CALM3: variants seen among roughly 807,000 people sequenced by gnomAD.
CALM3 encodes calmodulin 3, also known as calmodulin-3.
In CALM3, 5 loss-of-function variants were observed where a neutral mutation model predicts 20.1. The ratio of observed to expected loss-of-function variants is 0.25; its 90% confidence interval spans 0.13 to 0.52. The LOEUF (loss-of-function observed/expected upper bound fraction) is 0.52, where lower values mean the gene tolerates loss of function less well. CALM3 is among the 20% of genes least tolerant of loss of function. CALM3 has a pLI of 0.96. For synonymous variants in CALM3, 69 were observed against 68.1 expected (o/e 1.01, Z -0.06); for missense variants, 57 against 192.8 (o/e 0.30, Z 4.17).
intron 1 of CALM3, among the ~76,000 whole-genome samples, chr19:46,603,314 T>C (rs1041018862): frequency 3.3e-5 from 5 of 152,244 alleles, no homozygotes; most frequent in African/African-American, 1.2e-4. Context: ...GACCCAAGCT[T>C]TGGCCACAAC....
In CALM3 at chr19:46,601,547, G is replaced by A. The variant is rs1051045394; in HGVS notation, c.3+110G>A. ...AGAGTGGGGGGCGTCCGGGCCCGGC[G>A]AGAGCCTCGGGACCCTTTTCTACCC... is the stretch of plus-strand genomic sequence containing the variant. On this transcript the variant is annotated intron_variant, in intron 1 of 5. Coordinates refer to ENST00000291295, the MANE Select transcript of CALM3 (RefSeq NM_005184.4). The surrounding 1 kb of genome is among the most constrained non-coding windows in gnomAD (Gnocchi z 4.2). 7 of 1,077,598 alleles carry A rather than the reference G, an allele frequency of 6.5e-6. No homozygotes were observed. Among genetic ancestry groups the A allele is most frequent in the Non-Finnish European group, 8.6e-6 (7 of 816,004 alleles). The allele number at this position is 1,077,598 out of a possible 1,614,324, so 66.8% of individuals were successfully genotyped here.
chr19:46,601,401 T>C lies in CALM3; in HGVS notation c.-34T>C. 1 of 1,504,880 alleles carries C rather than the reference T, an allele frequency of 6.6e-7. No homozygotes were observed. Among genetic ancestry groups the C allele is most frequent in the East Asian group, 2.8e-5 (1 of 35,630 alleles). The allele number at this position is 1,504,880 out of a possible 1,614,324, so 93.2% of individuals were successfully genotyped here. ...GCTGCTGCCGCCGCCGGAGGAACCT[T>C]GATCCCCGTGCTCCGGACACCCCGG... On this transcript the variant is annotated 5_prime_UTR_variant, in exon 1 of 6. Transcript: ENST00000291295. The surrounding 1 kb of genome is among the most constrained non-coding windows in gnomAD (Gnocchi z 4.2).
chr19:46,608,131 G>T lies in CALM3; in HGVS notation c.35-66G>T. The T allele has an allele frequency of 2.0e-6, 3 of 1,508,446 alleles. No homozygotes were observed. The highest frequency in any genetic ancestry group is 4.5e-5 in the East Asian group (2 of 44,142). The allele number at this position is 1,508,446 out of a possible 1,614,324, so 93.4% of individuals were successfully genotyped here. A position where few individuals can be genotyped will look rare whatever the true frequency, so the allele number is the denominator to read the frequency against. On this transcript the variant is annotated intron_variant, in intron 2 of 5. Transcript: ENST00000291295. The surrounding 1 kb of genome is among the most constrained non-coding windows in gnomAD (Gnocchi z 5.5). ...GGCCTTCCTCCAGGGAAGGCATCCA[G>T]CATCCAGAGGTAAGGATTCTCCTGT...
In CALM3 at chr19:46,603,765, GTC is replaced by G. The variant is rs775802325; in HGVS notation, c.4-2059_4-2058del. Among the ~76,000 whole-genome samples, 110 of 152,196 alleles carry G rather than the reference GTC, an allele frequency of 7.2e-4. 2 individuals carry two copies. The highest frequency in any genetic ancestry group is 2.4e-4 in the Non-Finnish European group (16 of 68,040). ...TTTCCTTGACCAAGCAGGGAAGTGG[GTC>G]TCCAACATGGGAGGGAGAGCATCTG... On this transcript the variant is annotated intron_variant, in intron 1 of 5. Coordinates refer to ENST00000291295, the MANE Select transcript of CALM3 (RefSeq NM_005184.4).
At chr19:46,602,026 C>T (rs1971630729) in intron 1 of CALM3, 2 of 1,146,366 alleles carry the variant, frequency 1.7e-6, no homozygotes, top group Non-Finnish European at 2.3e-6. Context: ...AGATGAGACT[C>T]CCGAGGGTGG....
rs1272522747 is a variant in CALM3 at position 46,608,213 on chromosome 19, C to T, written c.51C>T (p.Phe17=). 1.9e-6 allele frequency: 3 copies of T among 1,613,836 alleles called. No homozygotes were observed. Among genetic ancestry groups the T allele is most frequent in the African/African-American group, 2.7e-5 (2 of 74,936 alleles). ...EEQIAEFKEA[F]SLFDKDGDGT... ...TTCCCCCAGAGTTCAAGGAGGCCTT[C>T]TCCCTCTTTGACAAGGATGGAGATG... Residue 17 remains phenylalanine (F), a synonymous_variant, in exon 3 of 6, where the codon TTC becomes TTT. Transcript: ENST00000291295. The surrounding 1 kb of genome is among the most constrained non-coding windows in gnomAD (Gnocchi z 5.5).
In CALM3 at chr19:46,609,634, T is replaced by G. The variant is rs1971829398; in HGVS notation, c.*481T>G. ...CGTTGCATGCAACCAGCCCTGTGATTCCACGTGCAGATCCCAGCAGCCTGT... is the reference window on the plus strand; with the variant it reads ...CGTTGCATGCAACCAGCCCTGTGATGCCACGTGCAGATCCCAGCAGCCTGT... On this transcript the variant is annotated 3_prime_UTR_variant, in exon 6 of 6. Transcript: ENST00000291295. The G allele has an allele frequency of 6.1e-6, 1 of 163,702 alleles. No individual in the cohort carries two copies. Among genetic ancestry groups the G allele is most frequent in the African/African-American group, 2.4e-5 (1 of 41,674 alleles). The allele number at this position is 163,702 out of a possible 1,614,324, so 10.1% of individuals were successfully genotyped here.
rs1043729277 is a variant in CALM3 at position 46,609,301 on chromosome 19, C to G, written c.*148C>G. ...TCTGATAAAGCAACAAAAGATTTGT[C>G]CCAAGCTGCATGATTGCTCTTTCTC... On this transcript the variant is annotated 3_prime_UTR_variant, in exon 6 of 6. Transcript: ENST00000291295. 6 of 757,512 alleles carry G rather than the reference C, an allele frequency of 7.9e-6. No homozygotes were observed. In the African/African-American group the frequency reaches 8.6e-5, roughly 11 times the overall value. The allele number at this position is 757,512 out of a possible 1,614,324, so 46.9% of individuals were successfully genotyped here.
chr19:46,609,364 TC>T lies in CALM3; in HGVS notation c.*213del, dbSNP rs1971821455. On this transcript the variant is annotated 3_prime_UTR_variant, in exon 6 of 6. Transcript: ENST00000291295. ...GTCTCTCTCCATGCCCCTCATCTCT[TC>T]CTTTTGCCCTCGCCTCTTCCATCCA... The T allele has an allele frequency of 1.6e-6, 1 of 614,712 alleles. No individual in the cohort carries two copies. Among genetic ancestry groups the T allele is most frequent in the East Asian group, 2.8e-5 (1 of 36,006 alleles). 38.1% of individuals were successfully genotyped at this position (614,712 alleles called of 1,614,324 possible). A position where few individuals can be genotyped will look rare whatever the true frequency, so the allele number is the denominator to read the frequency against.
rs1971629342 is a variant in CALM3, at chr19:46,601,974, G to A, written c.3+537G>A. ...GGGGAGGGGCGACCCCTGGGCTCCTGTGGAGCAGAGGAGAGGGTCAAGGAT... is the reference window on the plus strand; with the variant it reads ...GGGGAGGGGCGACCCCTGGGCTCCTATGGAGCAGAGGAGAGGGTCAAGGAT... On this transcript the variant is annotated intron_variant, in intron 1 of 5. Coordinates refer to ENST00000291295, the MANE Select transcript of CALM3 (RefSeq NM_005184.4). This position sits in a 1 kb window ranked among gnomAD's most constrained non-coding sequence, Gnocchi z 4.2. The A allele has an allele frequency of 1.5e-5, 10 of 669,554 alleles. No individual in the cohort carries two copies. The highest frequency in any genetic ancestry group is 2.0e-5 in the Non-Finnish European group (9 of 458,114). The allele number at this position is 669,554 out of a possible 1,614,324, so 41.5% of individuals were successfully genotyped here.
In CALM3 at chr19:46,608,641, G is replaced by T; in HGVS notation, c.285+53G>T. The T allele has an allele frequency of 6.7e-7, 1 of 1,486,460 alleles. No homozygotes were observed. Among genetic ancestry groups the T allele is most frequent in the South Asian group, 1.1e-5 (1 of 87,698 alleles). The allele number at this position is 1,486,460 out of a possible 1,614,324, so 92.1% of individuals were successfully genotyped here. On this transcript the variant is annotated intron_variant, in intron 4 of 5. Transcript: ENST00000291295. The surrounding 1 kb of genome is among the most constrained non-coding windows in gnomAD (Gnocchi z 5.5). ...TGAGACTGACGCCAGCCTTCAGGCA[G>T]ACAGGCGGAACTGGAGCCACGGAGC...
chr19:46,608,698 C>T lies in CALM3; in HGVS notation c.285+110C>T, dbSNP rs955731002. ...TTCCAGGAGGTCCGGGTCCCGGTGC[C>T]AGCCTCATTGCCAACCTGCTCTGCC... On this transcript the variant is annotated intron_variant, in intron 4 of 5. Transcript: ENST00000291295. The surrounding 1 kb of genome is among the most constrained non-coding windows in gnomAD (Gnocchi z 5.5). 1.6e-6 allele frequency: 2 copies of T among 1,263,162 alleles called. No individual in the cohort carries two copies. The highest frequency in any genetic ancestry group is 2.5e-5 in the East Asian group (1 of 40,150). 78.2% of individuals were successfully genotyped at this position (1,263,162 alleles called of 1,614,324 possible). A position where few individuals can be genotyped will look rare whatever the true frequency, so the allele number is the denominator to read the frequency against.
intron 1 of CALM3, chr19:46,602,059 T>A: frequency 7.7e-7 from 1 of 1,290,506 alleles, no homozygotes; most frequent in Non-Finnish European, 1.0e-6. Flanking sequence ...GAGGGTGGTC[T>A]CCAGAGCCCA....
In CALM3 at chr19:46,601,351, G is replaced by A. The variant is rs1480445811; in HGVS notation, c.-84G>A. 2.2e-5 allele frequency: 31 copies of A among 1,383,934 alleles called. 1 individual carries two copies. Among genetic ancestry groups the A allele is most frequent in the Non-Finnish European group, 8.6e-6 (9 of 1,044,578 alleles). The allele number at this position is 1,383,934 out of a possible 1,614,324, so 85.7% of individuals were successfully genotyped here. A position where few individuals can be genotyped will look rare whatever the true frequency, so the allele number is the denominator to read the frequency against. On this transcript the variant is annotated 5_prime_UTR_variant, in exon 1 of 6. Transcript: ENST00000291295. The surrounding 1 kb of genome is among the most constrained non-coding windows in gnomAD (Gnocchi z 4.2). ...GGGCAGTGAGTGTGGAGGCGCGGAC[G>A]CGCGGCGGAGCTGGAACTGCTGCAG...
rs1443478210 is a variant in CALM3, at chr19:46,609,971, ACCCACCG to A, written c.*822_*828del. On this transcript the variant is annotated 3_prime_UTR_variant, in exon 6 of 6. Transcript: ENST00000291295. ...CCATGCCGCTCCCTCCTCACGATGC[ACCCACCG>A]CCCTGAGGGCCCGTCCTAGGAATGG... 1.3e-5 allele frequency: 2 copies of A among 152,490 alleles called. No individual in the cohort carries two copies. The highest frequency in any genetic ancestry group is 2.9e-5 in the Non-Finnish European group (2 of 68,084). The allele number at this position is 152,490 out of a possible 1,614,324, so 9.4% of individuals were successfully genotyped here.
chr19:46,601,504 G>C lies in CALM3; in HGVS notation c.3+67G>C, dbSNP rs546364458. On this transcript the variant is annotated intron_variant, in intron 1 of 5. Coordinates refer to ENST00000291295, the MANE Select transcript of CALM3 (RefSeq NM_005184.4). This position sits in a 1 kb window ranked among gnomAD's most constrained non-coding sequence, Gnocchi z 4.2. The stretch of plus-strand genomic sequence containing the variant: ...GCGGGCTTAACGGGGCAGGACCCCT[G>C]AGGGGGCGACAGAGCCCAGAGTGGG... 346 of 1,359,652 alleles carry C rather than the reference G, an allele frequency of 2.5e-4. 1 individual carries two copies. In the African/African-American group the frequency reaches 4.9e-3, roughly 19 times the overall value. 84.2% of individuals were successfully genotyped at this position (1,359,652 alleles called of 1,614,324 possible). A position where few individuals can be genotyped will look rare whatever the true frequency, so the allele number is the denominator to read the frequency against.
chr19:46,608,837 A>G lies in CALM3; in HGVS notation c.286-9A>G. On this transcript the variant is annotated splice_polypyrimidine_tract_variant and intron_variant, in intron 4 of 5. Transcript: ENST00000291295. The surrounding 1 kb of genome is among the most constrained non-coding windows in gnomAD (Gnocchi z 5.5). ...GTGCCCAGTGAAAGGCTTTATCCCCAACCCCCAGGATGGGAATGGCTACAT... is the reference window on the plus strand; with the variant it reads ...GTGCCCAGTGAAAGGCTTTATCCCCGACCCCCAGGATGGGAATGGCTACAT... The G allele has an allele frequency of 6.5e-7, 1 of 1,542,932 alleles. No homozygotes were observed. Among genetic ancestry groups the G allele is most frequent in the South Asian group, 1.3e-5 (1 of 78,314 alleles).
intron 2 of CALM3, among the ~76,000 whole-genome samples, chr19:46,607,174 G>T (rs1971759574): frequency 6.6e-6 from 1 of 152,122 alleles, no homozygotes; most frequent in Non-Finnish European, 1.5e-5. Flanking sequence ...CCTCAGCACA[G>T]GGAGGTGCCA....
At chr19:46,606,277 T>A (rs183321313) in intron 2 of CALM3, 1 of 181,468 alleles carries the variant, frequency 5.5e-6, no homozygotes, top group Non-Finnish European at 1.1e-5. Flanking sequence ...ACCTCTGCGC[T>A]TGCCTGCGCT....
Sources: allele counts gnomAD v4.1 joint callset (sites outside exome capture counted in the v4.1 genomes callset), GRCh38; gene constraint gnomAD v4.1.1; non-coding constraint Gnocchi (gnomAD v3.1); transcripts MANE v1.5; gene names NCBI Gene and HGNC (gene_info 2026-07-23, HGNC 2026-07-21).